Variants in INPP5D observed in about 807,000 individuals in gnomAD.
INPP5D encodes the protein phosphatidylinositol 3,4,5-trisphosphate 5-phosphatase 1.
Under a neutral mutation model 122.9 loss-of-function variants are expected in INPP5D, and 33 were observed. The ratio of observed to expected loss-of-function variants is 0.27; its 90% CI spans 0.20 to 0.36. The LOEUF is 0.36. Ranked by LOEUF, INPP5D falls within the 10% of genes least tolerant of loss-of-function variation. INPP5D has a pLI of 1.00. For synonymous variants in INPP5D, 584 were observed against 576.2 expected (o/e 1.01, Z -0.19); for missense variants, 1,053 against 1,412.7 (o/e 0.75, Z 4.08).
chr2:233,125,774 C>A lies in INPP5D; in HGVS notation c.379C>A (p.Pro127Thr). ...VESVVSPPEL[P>T]PRNIPLTASS... ...AAGTGTCGTGTCTCCACCCGAGCTG[C>A]CCCCAAGAAACATCCCGCTGACTGC... Residue 127 changes from proline to threonine, a missense_variant, in exon 4 of 27, where the codon CCC (proline) becomes ACC (threonine). By Grantham distance (38) the Pro-to-Thr change is conservative. Coordinates refer to ENST00000445964, the MANE Select transcript of INPP5D (RefSeq NM_001017915.3). 1 of 1,613,684 alleles carries A rather than the reference C, an allele frequency of 6.2e-7. No individual in the cohort carries two copies. Among genetic ancestry groups the A allele is most frequent in the Non-Finnish European group, 8.5e-7 (1 of 1,179,734 alleles).
Position 233,164,427 on chromosome 2 carries a change from G to T in INPP5D, c.1555+3G>T. ...GACAGGCATTGCAAACACACTGGGT[G>T]AGCAGGGCGGGGACCCTGTGTTCCT... On this transcript the variant is annotated splice_donor_region_variant and intron_variant, in intron 13 of 26. Coordinates refer to ENST00000445964, the MANE Select transcript of INPP5D (RefSeq NM_001017915.3). The surrounding 1 kb of genome is among the most constrained non-coding windows in gnomAD (Gnocchi z 4.3). 1.9e-6 allele frequency: 3 copies of T among 1,547,426 alleles called. No individual in the cohort carries two copies. In the South Asian group the frequency reaches 3.6e-5, roughly 19 times the overall value.
At chr2:233,103,535 A>C (rs1157641729) in intron 2 of INPP5D, among the ~76,000 whole-genome samples, 5 of 152,026 alleles carry the variant, frequency 3.3e-5, no homozygotes, top group Non-Finnish European at 7.4e-5. Flanking sequence ...GAGAACGGCA[A>C]TCTTTCAGAG....
At chr2:233,163,094 G>C (rs1694238038) in intron 11 of INPP5D, among the ~76,000 whole-genome samples, 1 of 152,220 alleles carries the variant, frequency 6.6e-6, no homozygotes. Flanking sequence ...CTTTGCACTT[G>C]TAAGGCAAGA....
At chr2:233,063,016 A>G (rs1263649307) in intron 1 of INPP5D, among the ~76,000 whole-genome samples, 2 of 151,848 alleles carry the variant, frequency 1.3e-5, no homozygotes, top group East Asian at 3.9e-4. Flanking sequence ...TTTAAAGCAA[A>G]GAGATTGAAC....
At chr2:233,141,619 A>G (rs1559315255) in intron 6 of INPP5D, 1 of 152,182 alleles carries the variant, frequency 6.6e-6, no homozygotes, top group Non-Finnish European at 1.5e-5. Flanking sequence ...TCACATAAAC[A>G]TGGAGAGCTG....
chr2:233,073,640 CAAAAAAAAAAAA>C (rs752382722), intron 1 of INPP5D, among the ~76,000 whole-genome samples: 15 of 44,202 alleles, frequency 3.4e-4, no homozygotes, highest in African/African-American at 8.9e-4. Context: ...AACTCAATCT[CAAAAAAAAAAAA>C]AAAAAAAAAA....
At chr2:233,153,643 G>A (rs879489515) in intron 9 of INPP5D, among the ~76,000 whole-genome samples, 1 of 152,228 alleles carries the variant, frequency 6.6e-6, no homozygotes, top group Non-Finnish European at 1.5e-5. Context: ...GTTATACACA[G>A]CAGGGTCAGA....
In INPP5D at chr2:233,100,623, T is replaced by C. The variant is rs758599690; in HGVS notation, c.198+21225T>C. Among the ~76,000 whole-genome samples, 3 of 152,188 alleles carry C rather than the reference T, an allele frequency of 2.0e-5. No homozygotes were observed. The highest frequency in any genetic ancestry group is 4.4e-5 in the Non-Finnish European group (3 of 68,026). ...CTCGCTCACCCAGAGCTCTCTCTCT[T>C]CCCTGGGATGAGGCTTGGTTCTACG... is the stretch of plus-strand genomic sequence containing the variant. On this transcript the variant is annotated intron_variant, in intron 2 of 26. Transcript: ENST00000445964. The surrounding 1 kb of genome is among the most constrained non-coding windows in gnomAD (Gnocchi z 5.3).
chr2:233,169,111 C>T lies in INPP5D; in HGVS notation c.1556-194C>T, dbSNP rs1482957518. On this transcript the variant is annotated intron_variant, in intron 13 of 26. Coordinates refer to ENST00000445964, the MANE Select transcript of INPP5D (RefSeq NM_001017915.3). ...CCGCCGAGAAGGCTGAGGCTGCCGC[C>T]ATCTGCACTGCTCCTGCATTTTCTC... is the stretch of plus-strand genomic sequence containing the variant. 3.3e-5 allele frequency among the ~76,000 whole-genome samples: 5 copies of T among 152,294 alleles called. No homozygotes were observed. The East Asian group carries it at 9.7e-4, about 29-fold the overall frequency.
chr2:233,201,238 A>G (rs1408749814), intron 25 of INPP5D, among the ~76,000 whole-genome samples: 1 of 152,178 alleles, frequency 6.6e-6, no homozygotes, highest in South Asian at 2.1e-4. Flanking sequence ...CTGTGTGGCC[A>G]CCTCTTTGGA....
At chr2:233,193,776 G>A in intron 22 of INPP5D, 36 bp from the exon 23 acceptor site, 1 of 1,613,428 alleles carries the variant, frequency 6.2e-7, no homozygotes, top group Non-Finnish European at 8.5e-7. Flanking sequence ...TGAAAAGGCA[G>A]GGTCTTCACC....
chr2:233,086,554 T>A (rs1034341253), intron 2 of INPP5D, among the ~76,000 whole-genome samples: 1 of 152,042 alleles, frequency 6.6e-6, no homozygotes, highest in Non-Finnish European at 1.5e-5. Context: ...CTTGTAACCA[T>A]GAGGAGAGGT....
Position 233,193,808 on chromosome 2 carries a change from G to A in INPP5D, c.2447-4G>A. The A allele has an allele frequency of 6.2e-7, 1 of 1,613,854 alleles. No homozygotes were observed. The highest frequency in any genetic ancestry group is 8.5e-7 in the Non-Finnish European group (1 of 1,179,890). ...CACCCAGCTGTCTCCCACTTTCCCT[G>A]CAGGCGAGGGCTGCATTGCCCTTCG... On this transcript the variant is annotated splice_polypyrimidine_tract_variant and splice_region_variant and intron_variant, in intron 22 of 26. Coordinates refer to ENST00000445964, the MANE Select transcript of INPP5D (RefSeq NM_001017915.3).
chr2:233,116,250 T>TAGATAGATAGATAGATAGATAG (rs1692789803), intron 2 of INPP5D, among the ~76,000 whole-genome samples: 2 of 144,382 alleles, frequency 1.4e-5, no homozygotes, highest in African/African-American at 2.6e-5. Flanking sequence ...GATAGATAGA[T>TAGATAGATAGATAGATAGATAG]AGATATAGAT....
rs753257884 is a variant in INPP5D at position 233,163,947 on chromosome 2, C to A, written c.1437+44C>A. On this transcript the variant is annotated intron_variant, in intron 12 of 26. Transcript: ENST00000445964. Reference sequence around the variant, plus strand: ...GCTGGGTGGGCTTCCGGGATAGAATCTTTGCTCGGCTGGGCTGTCTCAGAG... The same window carrying A: ...GCTGGGTGGGCTTCCGGGATAGAATATTTGCTCGGCTGGGCTGTCTCAGAG... 12 of 1,597,618 alleles carry A rather than the reference C, an allele frequency of 7.5e-6. No homozygotes were observed. In the East Asian group the frequency reaches 2.5e-4, roughly 33 times the overall value.
chr2:233,169,439 G>A, intron 14 of INPP5D, 38 bp downstream of exon 14: 1 of 1,561,112 alleles, frequency 6.4e-7, no homozygotes, highest in Admixed American at 1.9e-5. Flanking sequence ...GTGCATTTGG[G>A]CTGTCTGCCC....
intron 17 of INPP5D, among the ~76,000 whole-genome samples, chr2:233,174,325 G>A (rs765444096): frequency 1.7e-4 from 26 of 152,214 alleles, no homozygotes; most frequent in African/African-American, 2.4e-4. Context: ...AATGTGTTGC[G>A]CTGTGACGTG....
At chr2:233,185,746 C>A in intron 20 of INPP5D, 97 bp from the exon 21 acceptor site, 4 of 1,068,698 alleles carry the variant, frequency 3.7e-6, no homozygotes, top group South Asian at 4.2e-5. Context: ...AAGGAGAGAG[C>A]ACATCTTCCT....
intron 2 of INPP5D, among the ~76,000 whole-genome samples, chr2:233,114,003 C>G (rs953822127): frequency 6.6e-6 from 1 of 151,590 alleles, no homozygotes; most frequent in Non-Finnish European, 1.5e-5. Flanking sequence ...CTCCGCCTCC[C>G]GGGTTCACGC....
Sources: allele counts gnomAD v4.1 joint callset (sites outside exome capture counted in the v4.1 genomes callset), GRCh38; gene constraint gnomAD v4.1.1; non-coding constraint Gnocchi (gnomAD v3.1); transcripts MANE v1.5; gene names NCBI Gene and HGNC (gene_info 2026-07-23, HGNC 2026-07-21).